The following ZNF710 variants were observed in gnomAD, a reference collection of about 807,000 sequenced individuals.
ZNF710 encodes the protein zinc finger protein 710.
Under a neutral mutation model 50.6 loss-of-function variants are expected in ZNF710, and 13 were observed. The ratio of observed to expected loss-of-function variants is 0.26; its 90% CI spans 0.17 to 0.41. The LOEUF is 0.41. Among genes scored for constraint, ZNF710 ranks in the 10% least tolerant of loss-of-function variants. The pLI is 1.00. For missense variants in ZNF710, 721 were observed against 936.6 expected, an observed-to-expected ratio of 0.77 and a Z score of 3.01; for synonymous variants, 383 against 397.0, an observed-to-expected ratio of 0.96 and a Z score of 0.42.
At chr15:90,022,838 C>G (rs1474757408) in intron 1 of ZNF710, among the ~76,000 whole-genome samples, 3 of 152,074 alleles carry the variant, frequency 2.0e-5, no homozygotes, top group Non-Finnish European at 4.4e-5. Context: ...AGAAGTAACC[C>G]CAAGTAAAAT....
intron 1 of ZNF710, among the ~76,000 whole-genome samples, chr15:90,022,646 T>C (rs1303722866): frequency 6.6e-6 from 1 of 152,232 alleles, no homozygotes; most frequent in Non-Finnish European, 1.5e-5. Flanking sequence ...GTTAAATCCC[T>C]ATGGGGAAAT....
intron 1 of ZNF710, among the ~76,000 whole-genome samples, chr15:90,035,896 C>T (rs1899108483): frequency 6.6e-6 from 1 of 152,174 alleles, no homozygotes; most frequent in African/African-American, 2.4e-5. Context: ...TGAGCCCTTC[C>T]TTCTACACGT....
rs1280140194 is a variant in ZNF710, at chr15:90,034,427, C to CGTGTGTGTGTGT, written c.-28-32683_-28-32682insGTGTGTGTGTGT. Among the ~76,000 whole-genome samples, 20 of 113,624 alleles carry CGTGTGTGTGTGT rather than the reference C, an allele frequency of 1.8e-4. No individual in the cohort carries two copies. The highest frequency in any genetic ancestry group is 2.3e-4 in the Non-Finnish European group (13 of 55,824). 74.5% of individuals were successfully genotyped at this position (113,624 alleles called of 152,430 possible). ...CAGCTGTCCTTCCTGTTTCCAAATT[C>CGTGTGTGTGTGT]CTGTGTGTGTGTGTGTGTGTGTGTG... On this transcript the variant is annotated intron_variant, in intron 1 of 4. Transcript: ENST00000268154. The surrounding 1 kb of genome is among the most constrained non-coding windows in gnomAD (Gnocchi z 4.0).
intron 1 of ZNF710, 141 bp downstream of exon 1, chr15:90,001,755 G>A (rs1446574566): frequency 6.9e-6 from 1 of 145,540 alleles, no homozygotes; most frequent in Non-Finnish European, 1.5e-5. Context: ...CCCTGGGGAC[G>A]GCCGCGCGCA....
intron 1 of ZNF710, among the ~76,000 whole-genome samples, chr15:90,043,832 T>G (rs1899375657): frequency 6.6e-6 from 1 of 152,218 alleles, no homozygotes; most frequent in Non-Finnish European, 1.5e-5. Flanking sequence ...CCTTTCATTC[T>G]GAGCCCTCAC....
Position 90,059,086 on chromosome 15 carries a change from T to C in ZNF710, c.-28-8024T>C, listed in dbSNP as rs1279085051. On this transcript the variant is annotated intron_variant, in intron 1 of 4. Coordinates refer to ENST00000268154, the MANE Select transcript of ZNF710 (RefSeq NM_198526.4). This position sits in a 1 kb window ranked among gnomAD's most constrained non-coding sequence, Gnocchi z 4.1. Reference sequence around the variant, plus strand: ...CGCATATGATTTACCACGACAGTGATGGTCTCAGGCTGAGAGAGGGTCCTC... The same window carrying C: ...CGCATATGATTTACCACGACAGTGACGGTCTCAGGCTGAGAGAGGGTCCTC... Among the ~76,000 whole-genome samples the C allele has an allele frequency of 1.3e-5, 2 of 152,218 alleles. No homozygotes were observed. The highest frequency in any genetic ancestry group is 2.9e-5 in the Non-Finnish European group (2 of 68,042).
rs1431826536 is a variant in ZNF710 at position 90,062,631 on chromosome 15, A to G, written c.-28-4479A>G. On this transcript the variant is annotated intron_variant, in intron 1 of 4. Coordinates refer to ENST00000268154, the MANE Select transcript of ZNF710 (RefSeq NM_198526.4). This position sits in a 1 kb window ranked among gnomAD's most constrained non-coding sequence, Gnocchi z 5.6. ...GCCCTGGATGGCCCTGTGCCAGGACATAAACAGAAGGGTTTAGCCTGGGAG... is the reference window on the plus strand; with the variant it reads ...GCCCTGGATGGCCCTGTGCCAGGACGTAAACAGAAGGGTTTAGCCTGGGAG... Among the ~76,000 whole-genome samples, 1 of 152,216 alleles carries G rather than the reference A, an allele frequency of 6.6e-6. No individual in the cohort carries two copies. Among genetic ancestry groups the G allele is most frequent in the Admixed American group, 6.5e-5 (1 of 15,288 alleles).
chr15:89,998,631 C>T (rs112798959), upstream of ZNF710, among the ~76,000 whole-genome samples: 7 of 152,262 alleles, frequency 4.6e-5, no homozygotes, highest in African/African-American at 1.7e-4. Context: ...CCAGTCACTC[C>T]CTGATTTGTA....
At chr15:90,070,435 G>T (rs1163238030) in intron 2 of ZNF710, among the ~76,000 whole-genome samples, 3 of 151,898 alleles carry the variant, frequency 2.0e-5, no homozygotes, top group East Asian at 1.9e-4. Flanking sequence ...ACTTTGGGAG[G>T]CTGAGGCAGG....
At chr15:90,026,246 AAACAAAACAAC>A (rs1233336897) in intron 1 of ZNF710, among the ~76,000 whole-genome samples, 1 of 144,130 alleles carries the variant, frequency 6.9e-6, no homozygotes, top group African/African-American at 2.7e-5. Flanking sequence ...ATGAGAAAAA[AAACAAAACAAC>A]AACAACAACA....
At chr15:90,066,554 TG>T (rs1186672265) in intron 1 of ZNF710, among the ~76,000 whole-genome samples, 1 of 147,992 alleles carries the variant, frequency 6.8e-6, no homozygotes, top group Admixed American at 6.9e-5. Flanking sequence ...CTCGGCTCAC[TG>T]CAACCTCCGC....
In ZNF710 at chr15:90,072,587, G is replaced by A. The variant is rs572354788; in HGVS notation, c.1459-484G>A. Among the ~76,000 whole-genome samples the A allele has an allele frequency of 2.1e-3, 322 of 152,280 alleles. 4 individuals carry two copies. In the Middle Eastern group the frequency reaches 0.031, roughly 14 times the overall value. ...AAAAAGGCCACCAAGAGACAGCATG[G>A]AGGATAAAAACACATACACGTGTCC... is the stretch of plus-strand genomic sequence containing the variant. On this transcript the variant is annotated intron_variant, in intron 2 of 4. Coordinates refer to ENST00000268154, the MANE Select transcript of ZNF710 (RefSeq NM_198526.4).
At position 90,067,467 on chromosome 15, in the gene ZNF710, G is replaced by T; in HGVS notation, c.330G>T (p.Lys110Asn). 6.2e-7 allele frequency: 1 copy of T among 1,612,742 alleles called. No homozygotes were observed. The highest frequency in any genetic ancestry group is 8.5e-7 in the Non-Finnish European group (1 of 1,179,356). The change falls in exon 2 of 5, where the codon AAG (lysine) becomes AAT (asparagine). Residue 110 changes from lysine (K) to asparagine (N), a missense_variant. By Grantham distance (94) the Lys-to-Asn change is moderately conservative (BLOSUM62 0). Coordinates refer to ENST00000268154, the MANE Select transcript of ZNF710 (RefSeq NM_198526.4). This position sits in a 1 kb window ranked among gnomAD's most constrained non-coding sequence, Gnocchi z 8.1. ...RPPVRLVPKV[K>N]FEKVEEEEQE... ...CTGTGCGGTTGGTGCCCAAGGTCAAGTTCGAGAAGGTGGAGGAGGAGGAAC... is the reference window on the plus strand; with the variant it reads ...CTGTGCGGTTGGTGCCCAAGGTCAATTTCGAGAAGGTGGAGGAGGAGGAAC...
chr15:90,080,467 C>T lies in ZNF710; in HGVS notation c.*638C>T, dbSNP rs1314386971. 3 of 152,762 alleles carry T rather than the reference C, an allele frequency of 2.0e-5. No homozygotes were observed. Among genetic ancestry groups the T allele is most frequent in the Admixed American group, 2.0e-4 (3 of 15,282 alleles). The allele number at this position is 152,762 out of a possible 1,614,324, so 9.5% of individuals were successfully genotyped here. The stretch of plus-strand genomic sequence containing the variant: ...CAGCCCCCAGAAGACCCCTGTCCTA[C>T]ATCCCTTTCTGGAAGTGAGTGTCCC... On this transcript the variant is annotated 3_prime_UTR_variant, in exon 5 of 5. Coordinates refer to ENST00000268154, the MANE Select transcript of ZNF710 (RefSeq NM_198526.4).
At chr15:90,025,785 C>T (rs1276817013) in intron 1 of ZNF710, 3 of 152,108 alleles carry the variant, frequency 2.0e-5, no homozygotes, top group Non-Finnish European at 1.5e-5. Flanking sequence ...CAGTAAACCT[C>T]GCCAAAATAT....
In ZNF710 at chr15:90,067,423, C is replaced by A. The variant is rs1164854702; in HGVS notation, c.286C>A (p.Arg96=). Residue 96 remains arginine, a synonymous_variant, in exon 2 of 5, where the codon CGG becomes AGG. Coordinates refer to ENST00000268154, the MANE Select transcript of ZNF710 (RefSeq NM_198526.4). The surrounding 1 kb of genome is among the most constrained non-coding windows in gnomAD (Gnocchi z 8.1). ...GGAGGCAGCCTGTGAGAAGCACACC[C>A]GGCGGAAGACGCGGCCACCTGTGCG... ...EVEAACEKHT[R]RKTRPPVRLV... is the part of the protein sequence containing the mutation. The A allele has an allele frequency of 9.4e-6, 15 of 1,602,830 alleles. No homozygotes were observed. The highest frequency in any genetic ancestry group is 1.3e-5 in the Non-Finnish European group (15 of 1,174,556).
chr15:90,022,670 T>G (rs1442415141), intron 1 of ZNF710, among the ~76,000 whole-genome samples: 6 of 152,236 alleles, frequency 3.9e-5, no homozygotes, highest in African/African-American at 1.4e-4. Flanking sequence ...TTTGGAAATG[T>G]TGACCTGAGA....
intron 1 of ZNF710, among the ~76,000 whole-genome samples, chr15:90,012,513 A>C (rs1188807945): frequency 6.6e-6 from 1 of 151,614 alleles, no homozygotes; most frequent in South Asian, 2.1e-4. Flanking sequence ...CTTGTGATCC[A>C]CCCGCCTCGG....
At chr15:90,043,861 C>A (rs1016329807) in intron 1 of ZNF710, among the ~76,000 whole-genome samples, 1 of 152,200 alleles carries the variant, frequency 6.6e-6, no homozygotes, top group East Asian at 1.9e-4. Flanking sequence ...TTAGGCTTCA[C>A]TCTCTTTCCC....
Sources: allele counts gnomAD v4.1 joint callset (sites outside exome capture counted in the v4.1 genomes callset), GRCh38; gene constraint gnomAD v4.1.1; non-coding constraint Gnocchi (gnomAD v3.1); transcripts MANE v1.5; gene names NCBI Gene and HGNC (gene_info 2026-07-23, HGNC 2026-07-21).